MOB3B: variants seen among roughly 807,000 people sequenced by gnomAD.
MOB3B encodes the protein MOB kinase activator 3B.
MOB3B carries 7 observed loss-of-function variants against 18.7 expected under a neutral mutation model. The ratio of observed to expected loss-of-function variants is 0.37; its 90% CI spans 0.21 to 0.70. MOB3B has a LOEUF of 0.70. Among genes scored for constraint, MOB3B ranks in the 30% least tolerant of loss-of-function variants. MOB3B has a pLI of 0.52. For synonymous variants in MOB3B, 111 were observed against 99.9 expected (o/e 1.11, Z -0.66); for missense variants, 253 against 281.3 (o/e 0.90, Z 0.72).
At chr9:27,348,670 A>G (rs893081806) in intron 3 of MOB3B, among the ~76,000 whole-genome samples, 1 of 151,884 alleles carries the variant, frequency 6.6e-6, no homozygotes, top group African/African-American at 2.4e-5. Context: ...AAAAAAAAAA[A>G]GAAAGAAAGA....
chr9:27,394,906 T>C (rs943391143), intron 2 of MOB3B, among the ~76,000 whole-genome samples: 3 of 152,236 alleles, frequency 2.0e-5, no homozygotes, highest in African/African-American at 7.2e-5. Flanking sequence ...GAGTCATGCT[T>C]TGACAGTGAG....
rs79842216 is a variant in MOB3B, at chr9:27,379,681, G to T, written c.419-20445C>A. 7.2e-3 allele frequency among the ~76,000 whole-genome samples: 1,099 copies of T among 152,222 alleles called. 20 individuals are homozygous for T. Among genetic ancestry groups the T allele is most frequent in the African/African-American group, 0.025 (1,034 of 41,538 alleles). ...AGTCCAAGGCAGGTTCTGAACAAAA[G>T]CCCCCAGTGGTTAATCTCCCAAATA... On this transcript the variant is annotated intron_variant, in intron 2 of 3. Coordinates refer to ENST00000262244, the MANE Select transcript of MOB3B (RefSeq NM_024761.5).
At chr9:27,514,575 C>T (rs1820201647) in intron 1 of MOB3B, among the ~76,000 whole-genome samples, 1 of 152,276 alleles carries the variant, frequency 6.6e-6, no homozygotes, top group Non-Finnish European at 1.5e-5. Context: ...CCAGAAGTTC[C>T]TCTGTATATA....
Position 27,492,831 on chromosome 9 carries a change from G to A in MOB3B, c.-199+36724C>T, listed in dbSNP as rs35458757. ...TGGGTACTGCAGGGGAAAGGGCAAC[G>A]CTTTGGAACAAAGCAATCCTGCATT... On this transcript the variant is annotated intron_variant, in intron 1 of 3. Coordinates refer to ENST00000262244, the MANE Select transcript of MOB3B (RefSeq NM_024761.5). Among the ~76,000 whole-genome samples, 312 of 152,290 alleles carry A rather than the reference G, an allele frequency of 2.0e-3. 1 individual carries two copies. Among genetic ancestry groups the A allele is most frequent in the South Asian group, 0.012 (57 of 4,826 alleles).
intron 2 of MOB3B, among the ~76,000 whole-genome samples, chr9:27,440,542 A>G (rs1049712923): frequency 3.3e-5 from 5 of 152,212 alleles, no homozygotes; most frequent in African/African-American, 1.2e-4. Context: ...TATTTGTTGC[A>G]TAAAATTTGC....
intron 2 of MOB3B, among the ~76,000 whole-genome samples, chr9:27,430,274 C>T (rs1279564080): frequency 2.0e-5 from 3 of 152,170 alleles, no homozygotes; most frequent in Non-Finnish European, 4.4e-5. Flanking sequence ...AGGGATGGTG[C>T]TCTCCGGCAG....
intron 1 of MOB3B, among the ~76,000 whole-genome samples, chr9:27,508,433 G>A (rs1179812633): frequency 6.6e-6 from 1 of 151,802 alleles, no homozygotes; most frequent in African/African-American, 2.4e-5. Flanking sequence ...AGAAGTCCTG[G>A]CAGGATTTGG....
chr9:27,347,333 G>GA (rs770329647), intron 3 of MOB3B, among the ~76,000 whole-genome samples: 25 of 152,342 alleles, frequency 1.6e-4, no homozygotes, highest in Non-Finnish European at 2.4e-4. Context: ...TTACCAGTGG[G>GA]AAAAGTAAGA....
intron 2 of MOB3B, among the ~76,000 whole-genome samples, chr9:27,431,704 T>A (rs1363378358): frequency 6.6e-6 from 1 of 152,186 alleles, no homozygotes; most frequent in Non-Finnish European, 1.5e-5. Context: ...TGGGGATGTG[T>A]GAAGCTGGGA....
chr9:27,458,241 T>C (rs1819217947), intron 1 of MOB3B, among the ~76,000 whole-genome samples: 2 of 152,186 alleles, frequency 1.3e-5, no homozygotes, highest in South Asian at 4.2e-4. Context: ...CACTAATCCT[T>C]CTGTTTTCCC....
At chr9:27,347,636 G>A (rs1241577988) in intron 3 of MOB3B, among the ~76,000 whole-genome samples, 1 of 152,176 alleles carries the variant, frequency 6.6e-6, no homozygotes, top group Non-Finnish European at 1.5e-5. Flanking sequence ...ATAGGGTGGA[G>A]GTAAGCAAGT....
chr9:27,517,531 C>T (rs1370109676), intron 1 of MOB3B, among the ~76,000 whole-genome samples: 2 of 151,032 alleles, frequency 1.3e-5, no homozygotes, highest in African/African-American at 4.9e-5. Flanking sequence ...GCCTGTAATC[C>T]CAGCTACTCA....
intron 2 of MOB3B, among the ~76,000 whole-genome samples, chr9:27,423,555 G>GA (rs933946050): frequency 4.6e-5 from 7 of 151,424 alleles, no homozygotes; most frequent in Non-Finnish European, 8.8e-5. Flanking sequence ...TTTAAAGAGG[G>GA]AAAAAAAATC....
At chr9:27,518,438 G>A (rs751041710) in intron 1 of MOB3B, among the ~76,000 whole-genome samples, 10 of 152,162 alleles carry the variant, frequency 6.6e-5, no homozygotes, top group Non-Finnish European at 5.9e-5. Flanking sequence ...AGCCCCATTC[G>A]GGCTCAAAAG....
chr9:27,494,533 C>T (rs113156372), intron 1 of MOB3B, among the ~76,000 whole-genome samples: 2 of 152,068 alleles, frequency 1.3e-5, no homozygotes, highest in African/African-American at 4.8e-5. Flanking sequence ...AAAGAACCTA[C>T]GTGAATATCA....
chr9:27,493,128 T>C (rs1222800683), intron 1 of MOB3B, among the ~76,000 whole-genome samples: 1 of 152,128 alleles, frequency 6.6e-6, no homozygotes, highest in Non-Finnish European at 1.5e-5. Context: ...AACATACATT[T>C]GGGATTTTTT....
chr9:27,348,182 C>A (rs899092822), intron 3 of MOB3B, among the ~76,000 whole-genome samples: 5 of 152,010 alleles, frequency 3.3e-5, no homozygotes, highest in African/African-American at 1.2e-4. Flanking sequence ...ATTTCTTAAG[C>A]AATGAGCACT....
chr9:27,485,422 CCT>C (rs1819717819), intron 1 of MOB3B, among the ~76,000 whole-genome samples: 2 of 152,202 alleles, frequency 1.3e-5, no homozygotes, highest in African/African-American at 2.4e-5. Context: ...GGACTCAAGG[CCT>C]CTCCAACACC....
At position 27,417,295 on chromosome 9, in the gene MOB3B, C is replaced by T. The variant is rs541299685; in HGVS notation, c.418+37838G>A. ...AGGAGAATGGTGTGAACCTGGGAGGCGGAGCTTGCAGTGAGCCGAGATTGC... is the reference window on the plus strand; with the variant it reads ...AGGAGAATGGTGTGAACCTGGGAGGTGGAGCTTGCAGTGAGCCGAGATTGC... On this transcript the variant is annotated intron_variant, in intron 2 of 3. Transcript: ENST00000262244. Among the ~76,000 whole-genome samples, 29 of 152,268 alleles carry T rather than the reference C, an allele frequency of 1.9e-4. No homozygotes were observed. The South Asian group carries it at 5.6e-3, about 29-fold the overall frequency.
Sources: gnomAD v4.1 joint callset for allele counts (sites outside exome capture counted in the v4.1 genomes callset) on GRCh38, gnomAD v4.1.1 for gene constraint, MANE v1.5 for transcripts, NCBI Gene and HGNC (gene_info 2026-07-23, HGNC 2026-07-21) for gene names.